The following TNRC6B variants were observed in gnomAD, a reference collection of about 807,000 sequenced individuals.
TNRC6B encodes trinucleotide repeat-containing gene 6B protein.
TNRC6B carries 52 observed loss-of-function variants against 203.6 expected under a neutral mutation model. The observed-to-expected ratio is 0.26, with a 90% CI of 0.20 to 0.32. TNRC6B has a LOEUF of 0.32. Ranked by LOEUF, TNRC6B falls within the 10% of genes least tolerant of loss-of-function variation. The pLI, the probability that TNRC6B is intolerant of heterozygous loss-of-function variation, is 1.00. For missense variants in TNRC6B, 1,923 were observed against 2,286.2 expected, an observed-to-expected ratio of 0.84 and a Z score of 3.24; for synonymous variants, 838 against 845.7, an observed-to-expected ratio of 0.99 and a Z score of 0.16.
intron 1 of TNRC6B, among the ~76,000 whole-genome samples, chr22:40,099,279 C>G (rs2068213317): frequency 1.3e-5 from 2 of 150,446 alleles, no homozygotes; most frequent in Admixed American, 1.3e-4. Flanking sequence ...GAAAAAAAAA[C>G]ATACAGTAAG....
intron 3 of TNRC6B, among the ~76,000 whole-genome samples, chr22:40,148,745 A>T (rs1304685847): frequency 6.6e-6 from 1 of 151,062 alleles, no homozygotes; most frequent in Non-Finnish European, 1.5e-5. Context: ...TTAAAATGGG[A>T]TTATTAGGAT....
intron 1 of TNRC6B, among the ~76,000 whole-genome samples, chr22:40,048,182 C>T (rs901878838): frequency 2.0e-5 from 3 of 152,160 alleles, no homozygotes; most frequent in Non-Finnish European, 4.4e-5. Context: ...GTCTTCACTA[C>T]ACAGTCATTC....
chr22:40,117,069 G>A (rs545585906), exon 2 of TNRC6B: 14 of 152,600 alleles, frequency 9.2e-5, no homozygotes, highest in African/African-American at 2.7e-4. Flanking sequence ...GTGGTTTTTT[G>A]CACTGAATGT....
chr22:40,170,536 A>T (rs1352955461), intron 4 of TNRC6B, among the ~76,000 whole-genome samples: 1 of 89,122 alleles, frequency 1.1e-5, no homozygotes, highest in Non-Finnish European at 2.0e-5. Flanking sequence ...TATATAGTTT[A>T]TATATATATT....
intron 12 of TNRC6B, among the ~76,000 whole-genome samples, chr22:40,295,286 A>G (rs1390411125): frequency 1.3e-5 from 2 of 151,488 alleles, no homozygotes; most frequent in African/African-American, 4.9e-5. Context: ...GACCAGCCTG[A>G]CCAACATGGT....
At position 40,270,243 on chromosome 22, in the gene TNRC6B, G is replaced by T. The variant is rs754202085; in HGVS notation, c.2928G>T (p.Gly976=). Residue 976 remains glycine, a synonymous_variant, in exon 6 of 23, where the codon GGG becomes GGT. Coordinates refer to ENST00000454349, the MANE Select transcript of TNRC6B (RefSeq NM_001162501.2). ...CAGGAGCATCGACCACAGGCTGGGG[G>T]AACACGCCCGCCAACGCTCCCAATG... The part of the protein sequence containing the change: ...DDTGASTTGW[G]NTPANAPNAM... 1.3e-6 allele frequency: 2 copies of T among 1,497,542 alleles called. No homozygotes were observed. The highest frequency in any genetic ancestry group is 2.6e-5 in the South Asian group (2 of 78,304). 92.8% of individuals were successfully genotyped at this position (1,497,542 alleles called of 1,614,324 possible).
At chr22:40,258,098 T>TTTTTTTTTTTTTTTTC (rs2070311458) in intron 3 of TNRC6B, among the ~76,000 whole-genome samples, 1 of 145,426 alleles carries the variant, frequency 6.9e-6, no homozygotes, top group Non-Finnish European at 1.5e-5. Flanking sequence ...TTTTTTTTTT[T>TTTTTTTTTTTTTTTTC]TTTACCCCAC....
Position 40,325,617 on chromosome 22 carries a change from C to T in TNRC6B, c.*2376C>T, listed in dbSNP as rs772948730. 1.3e-5 allele frequency: 2 copies of T among 152,690 alleles called. No individual in the cohort carries two copies. The highest frequency in any genetic ancestry group is 2.9e-5 in the Non-Finnish European group (2 of 68,114). 9.5% of individuals were successfully genotyped at this position (152,690 alleles called of 1,614,324 possible). On this transcript the variant is annotated 3_prime_UTR_variant, in exon 23 of 23. Coordinates refer to ENST00000454349, the MANE Select transcript of TNRC6B (RefSeq NM_001162501.2). ...TCCACCACTGTTCCCCATGCAAAAG[C>T]TCTGCTTCCAGCAGCCCCCACTGAC...
At chr22:40,210,630 T>C (rs1170289240) in intron 1 of TNRC6B, among the ~76,000 whole-genome samples, 1 of 152,250 alleles carries the variant, frequency 6.6e-6, no homozygotes, top group Non-Finnish European at 1.5e-5. Flanking sequence ...GTTTGCCCCT[T>C]TGACTGCAGT....
intron 12 of TNRC6B, among the ~76,000 whole-genome samples, chr22:40,297,277 TGAAAG>T (rs1258003848): frequency 6.6e-6 from 1 of 152,202 alleles, no homozygotes; most frequent in Non-Finnish European, 1.5e-5. Context: ...CGTTTCATAT[TGAAAG>T]GAAGCTTTAG....
At position 40,266,320 on chromosome 22, in the gene TNRC6B, G is replaced by A. The variant is rs768004927; in HGVS notation, c.2090G>A (p.Gly697Asp). 1 of 1,600,288 alleles carries A rather than the reference G, an allele frequency of 6.2e-7. No homozygotes were observed. The highest frequency in any genetic ancestry group is 1.8e-5 in the Admixed American group (1 of 57,080). Residue 697 changes from glycine (G) to aspartate (D), a missense_variant, in exon 5 of 23, where the codon GGC becomes GAC. Physicochemically the swap from Gly to Asp is moderately conservative, Grantham distance 94. Transcript: ENST00000454349. ...TEWKDPKNTG[G>D]WNDYKNNNSS... is the part of the protein sequence containing the mutation. ...TGGAAAGACCCCAAGAACACAGGAG[G>A]CTGGAATGACTACAAGAACAACAAC...
At chr22:40,253,522 T>G (rs1356352745) in intron 3 of TNRC6B, 1 of 450,500 alleles carries the variant, frequency 2.2e-6, no homozygotes, top group Non-Finnish European at 4.4e-6. Context: ...TTTTTCCAAT[T>G]GGGGGCTTTC....
chr22:40,054,043 C>A (rs964193147), intron 1 of TNRC6B, among the ~76,000 whole-genome samples: 28 of 152,038 alleles, frequency 1.8e-4, no homozygotes, highest in Admixed American at 3.3e-4. Context: ...ATAGCAAAAC[C>A]CTGTCTCTGC....
chr22:40,232,845 G>A (rs1364362974), intron 1 of TNRC6B, among the ~76,000 whole-genome samples: 1 of 151,826 alleles, frequency 6.6e-6, no homozygotes, highest in East Asian at 1.9e-4. Flanking sequence ...AAACCCTGTC[G>A]CTACTACAAA....
chr22:40,087,613 C>T (rs1037707606), intron 1 of TNRC6B, among the ~76,000 whole-genome samples: 2 of 152,004 alleles, frequency 1.3e-5, no homozygotes, highest in South Asian at 4.2e-4. Flanking sequence ...ACAGAAAGGC[C>T]TTTCTGACAA....
intron 21 of TNRC6B, among the ~76,000 whole-genome samples, chr22:40,319,950 A>G (rs1246306983): frequency 3.3e-5 from 5 of 152,294 alleles, no homozygotes; most frequent in Admixed American, 2.6e-4. Flanking sequence ...TCTATCCTAA[A>G]AAGTCTGTTG....
intron 12 of TNRC6B, among the ~76,000 whole-genome samples, chr22:40,297,188 C>A (rs2070955808): frequency 6.6e-6 from 1 of 152,170 alleles, no homozygotes; most frequent in South Asian, 2.1e-4. Context: ...CAACTTCTCT[C>A]TTTTGGATGA....
chr22:40,261,451 G>A (rs539858978), intron 3 of TNRC6B, among the ~76,000 whole-genome samples: 9 of 151,990 alleles, frequency 5.9e-5, no homozygotes, highest in African/African-American at 1.5e-4. Context: ...GGTGGTGGGC[G>A]CCTGTAATCC....
intron 3 of TNRC6B, among the ~76,000 whole-genome samples, chr22:40,140,541 AC>A (rs1249818825): frequency 6.6e-6 from 1 of 152,232 alleles, no homozygotes; most frequent in Non-Finnish European, 1.5e-5. Flanking sequence ...AAGTGACCAT[AC>A]CAGTCCTTGA....
Sources: gnomAD v4.1 joint callset for allele counts (sites outside exome capture counted in the v4.1 genomes callset) on GRCh38, gnomAD v4.1.1 for gene constraint, MANE v1.5 for transcripts, NCBI Gene and HGNC (gene_info 2026-07-23, HGNC 2026-07-21) for gene names.